Variants in IL1RAPL2 observed in about 807,000 individuals in gnomAD.
The protein encoded by IL1RAPL2 is interleukin 1 receptor accessory protein like 2, also known as X-linked interleukin-1 receptor accessory protein-like 2.
IL1RAPL2 carries 3 observed loss-of-function variants against 44.1 expected under a neutral mutation model. The observed-to-expected ratio is 0.07, with a 90% CI of 0.03 to 0.18. The LOEUF (loss-of-function observed/expected upper bound fraction) is 0.18, where lower values mean the gene tolerates loss of function less well. Among genes scored for constraint, IL1RAPL2 ranks in the 10% least tolerant of loss-of-function variants. The pLI, the probability that IL1RAPL2 is intolerant of heterozygous loss-of-function variation, is 1.00. For missense variants in IL1RAPL2, 391 were observed against 496.4 expected (o/e 0.79, Z 2.02); for synonymous variants, 181 against 178.8 (o/e 1.01, Z -0.10).
At chrX:105,554,220 C>T (rs1424037636) in intron 6 of IL1RAPL2, among the ~76,000 whole-genome samples, 1 of 112,747 alleles carries the variant, frequency 8.9e-6, no homozygotes, top group Non-Finnish European at 1.9e-5. Flanking sequence ...TGTGTTCTCT[C>T]CTCAAGAGTA....
rs1454246619 is a variant in IL1RAPL2, at chrX:104,729,990, A to C, written c.82+70995A>C. Among the ~76,000 whole-genome samples the C allele has an allele frequency of 2.7e-5, 3 of 111,423 alleles. No homozygotes were observed. The South Asian group carries it at 1.1e-3, about 43-fold the overall frequency. On this transcript the variant is annotated intron_variant, in intron 2 of 10. Transcript: ENST00000372582. ...ATGGATGAGAAATATCAACCGAAAGAAAGCCAGCATTACAATGATGATATA... is the reference window on the plus strand; with the variant it reads ...ATGGATGAGAAATATCAACCGAAAGCAAGCCAGCATTACAATGATGATATA...
Position 105,395,399 on chromosome X carries a change from G to A in IL1RAPL2, c.698-88914G>A, listed in dbSNP as rs896336329. On this transcript the variant is annotated intron_variant, in intron 5 of 10. Coordinates refer to ENST00000372582, the MANE Select transcript of IL1RAPL2 (RefSeq NM_017416.2). ...TTAATTAAAAAAAAAGAAAAGAAGA[G>A]ATATTCTTAAACTCATTTTAGAGAT... Among the ~76,000 whole-genome samples, 6 of 109,548 alleles carry A rather than the reference G, an allele frequency of 5.5e-5. 1 individual carries two copies. The East Asian group carries it at 1.2e-3, about 21-fold the overall frequency.
chrX:105,479,469 G>A (rs887417115), intron 5 of IL1RAPL2, among the ~76,000 whole-genome samples: 3 of 110,937 alleles, frequency 2.7e-5, no homozygotes, highest in Non-Finnish European at 5.7e-5. Context: ...GCTGGGCACC[G>A]TGGCTCACAC....
chrX:104,675,795 C>T (rs890341994), intron 2 of IL1RAPL2, among the ~76,000 whole-genome samples: 5 of 110,215 alleles, frequency 4.5e-5, no homozygotes, highest in African/African-American at 1.7e-4. Context: ...GTATTGGGTG[C>T]ATATATATGT....
chrX:104,881,954 A>C (rs1342348108), intron 2 of IL1RAPL2, among the ~76,000 whole-genome samples: 3 of 112,237 alleles, frequency 2.7e-5, no homozygotes, highest in African/African-American at 6.5e-5. Context: ...ATAAATGTTT[A>C]GTTTTTAAAA....
At chrX:105,686,966 A>C (rs761920384) in intron 6 of IL1RAPL2, among the ~76,000 whole-genome samples, 27 of 112,060 alleles carry the variant, frequency 2.4e-4, no homozygotes, top group African/African-American at 8.4e-4. Context: ...CCTGCTCCTG[A>C]GTGACTACTG....
At chrX:104,698,789 A>G (rs2147550853) in intron 2 of IL1RAPL2, among the ~76,000 whole-genome samples, 1 of 111,808 alleles carries the variant, frequency 8.9e-6, no homozygotes, top group African/African-American at 3.3e-5. Flanking sequence ...GCCTTTAGTA[A>G]TGGATAATGT....
At chrX:104,572,684 T>C (rs962276561) in intron 1 of IL1RAPL2, among the ~76,000 whole-genome samples, 2 of 111,990 alleles carry the variant, frequency 1.8e-5, no homozygotes, top group Non-Finnish European at 3.8e-5. Flanking sequence ...AGTCTTGACC[T>C]CACAGGCTCA....
chrX:105,095,429 A>AT (rs1160481771), intron 2 of IL1RAPL2, among the ~76,000 whole-genome samples: 1 of 111,584 alleles, frequency 9.0e-6, no homozygotes, highest in Non-Finnish European at 1.9e-5. Flanking sequence ...AGGTGATCAT[A>AT]TTTTTTTCCT....
At chrX:104,892,771 G>T (rs1421095546) in intron 2 of IL1RAPL2, among the ~76,000 whole-genome samples, 2 of 111,406 alleles carry the variant, frequency 1.8e-5, no homozygotes, top group African/African-American at 6.5e-5. Flanking sequence ...TTTTTGAAGG[G>T]TTTTTTGTAT....
intron 10 of IL1RAPL2, among the ~76,000 whole-genome samples, chrX:105,760,260 T>C (rs1306384887): frequency 9.0e-6 from 1 of 111,492 alleles, no homozygotes; most frequent in South Asian, 3.8e-4. Context: ...CAAAAAAACA[T>C]AGTATAAAAC....
chrX:105,410,214 A>C (rs1329711833), intron 5 of IL1RAPL2, among the ~76,000 whole-genome samples: 1 of 110,640 alleles, frequency 9.0e-6, no homozygotes. Flanking sequence ...TTCTGGGTAG[A>C]AGTCAAGGCA....
chrX:105,030,880 G>A lies in IL1RAPL2; in HGVS notation c.83-164595G>A, dbSNP rs193279657. 2.1e-4 allele frequency among the ~76,000 whole-genome samples: 24 copies of A among 111,863 alleles called. 1 individual carries two copies. Among genetic ancestry groups the A allele is most frequent in the Middle Eastern group, 4.6e-3 (1 of 219 alleles). On this transcript the variant is annotated intron_variant, in intron 2 of 10. Coordinates refer to ENST00000372582, the MANE Select transcript of IL1RAPL2 (RefSeq NM_017416.2). ...TTGATTCTTCCTACCCATGAGCGTG[G>A]AATGTTCTTCCATTTGTTTGTATCC... is the stretch of plus-strand genomic sequence containing the variant.
chrX:105,009,769 AAG>A (rs1335167711), intron 2 of IL1RAPL2, among the ~76,000 whole-genome samples: 1 of 110,564 alleles, frequency 9.0e-6, no homozygotes, highest in Non-Finnish European at 1.9e-5. Flanking sequence ...ATTTAAAAAA[AAG>A]AAAATAGTGT....
At chrX:105,246,316 A>G in intron 4 of IL1RAPL2, among the ~76,000 whole-genome samples, 1 of 112,357 alleles carries the variant, frequency 8.9e-6, no homozygotes. Context: ...GTCAGGAGCA[A>G]TCTTTTGTTA....
At chrX:104,890,496 G>A (rs922731014) in intron 2 of IL1RAPL2, among the ~76,000 whole-genome samples, 29 of 112,057 alleles carry the variant, frequency 2.6e-4, no homozygotes, top group African/African-American at 9.1e-4. Context: ...CATTCTAACT[G>A]GTGTGAGATG....
At position 104,589,724 on chromosome X, in the gene IL1RAPL2, G is replaced by A. The variant is rs945510079; in HGVS notation, c.-20+22673G>A. Among the ~76,000 whole-genome samples, 5 of 111,538 alleles carry A rather than the reference G, an allele frequency of 4.5e-5. No homozygotes were observed. The Admixed American group carries it at 4.8e-4, about 11-fold the overall frequency. On this transcript the variant is annotated intron_variant, in intron 1 of 10. Transcript: ENST00000372582. The stretch of plus-strand genomic sequence containing the variant: ...GGGATTTGTATAATTGTTAGTAGCC[G>A]ATGTTATGTGTAAAGACTCAAAAGG...
chrX:104,639,311 G>T (rs1466136538), intron 1 of IL1RAPL2, among the ~76,000 whole-genome samples: 1 of 110,711 alleles, frequency 9.0e-6, no homozygotes, highest in African/African-American at 3.3e-5. Flanking sequence ...CAGTCTATGT[G>T]CATCTTTACT....
intron 2 of IL1RAPL2, among the ~76,000 whole-genome samples, chrX:104,719,543 G>T (rs1217238781): frequency 9.0e-6 from 1 of 111,469 alleles, no homozygotes; most frequent in Non-Finnish European, 1.9e-5. Context: ...TGTAGCAAGG[G>T]AATAGCATTA....
Sources: gnomAD v4.1 joint callset for allele counts (sites outside exome capture counted in the v4.1 genomes callset) on GRCh38, gnomAD v4.1.1 for gene constraint, MANE v1.5 for transcripts, NCBI Gene and HGNC (gene_info 2026-07-23, HGNC 2026-07-21) for gene names.